The following RHBDL3 variants were observed in gnomAD, a reference collection of about 807,000 sequenced individuals.
RHBDL3 encodes rhomboid-related protein 3.
RHBDL3 carries 28 observed loss-of-function variants against 48.2 expected under a neutral mutation model. The observed-to-expected ratio is 0.58, with a 90% CI of 0.43 to 0.80. The LOEUF (loss-of-function observed/expected upper bound fraction) is 0.80, where lower values mean the gene tolerates loss of function less well. Ranked by LOEUF, RHBDL3 falls within the 30% of genes least tolerant of loss-of-function variation. RHBDL3 has a pLI of 0.00. For synonymous variants in RHBDL3, 208 were observed against 232.3 expected (o/e 0.90, Z 0.95); for missense variants, 464 against 542.7 (o/e 0.85, Z 1.44).
chr17:32,279,702 G>A (rs1393644458), intron 2 of RHBDL3, among the ~76,000 whole-genome samples: 2 of 152,162 alleles, frequency 1.3e-5, no homozygotes, highest in African/African-American at 2.4e-5. Context: ...CGTATGGCAC[G>A]CTTATGTGCA....
At chr17:32,296,576 C>T (rs1418863930) in intron 5 of RHBDL3, among the ~76,000 whole-genome samples, 1 of 151,476 alleles carries the variant, frequency 6.6e-6, no homozygotes, top group South Asian at 2.1e-4. Flanking sequence ...CGTTGTGATC[C>T]GCCCACCTCA....
At chr17:32,287,086 T>C (rs1396117211) in intron 3 of RHBDL3, among the ~76,000 whole-genome samples, 2 of 152,222 alleles carry the variant, frequency 1.3e-5, no homozygotes, top group Non-Finnish European at 2.9e-5. Flanking sequence ...CAAATAACTA[T>C]GATGGCACCC....
chr17:32,316,248 A>AGTGCCAGTTT lies in RHBDL3; in HGVS notation c.908_909insTGTGCCAGTT (p.Lys304ValfsTer163), dbSNP rs1295783620. 6.2e-7 allele frequency: 1 copy of AGTGCCAGTTT among 1,613,686 alleles called. No homozygotes were observed. Among genetic ancestry groups the AGTGCCAGTTT allele is most frequent in the South Asian group, 1.1e-5 (1 of 91,058 alleles). On this transcript the variant is annotated frameshift_variant, in exon 8 of 9. Transcript: ENST00000269051. LOFTEE classifies it high-confidence loss of function. ...TTTCCCTAGAACTGGTCAGGCATGA[A>AGTGCCAGTTT]GTGCCAGTTCAAGCTGCTGCGGATG... is the stretch of plus-strand genomic sequence containing the variant.
intron 7 of RHBDL3, among the ~76,000 whole-genome samples, chr17:32,307,990 C>G (rs1028920528): frequency 6.6e-6 from 1 of 152,138 alleles, no homozygotes; most frequent in Non-Finnish European, 1.5e-5. Flanking sequence ...GCATTCATAA[C>G]GATGCCCTGT....
intron 6 of RHBDL3, among the ~76,000 whole-genome samples, chr17:32,303,724 G>A (rs150337461): frequency 5.9e-4 from 89 of 152,108 alleles, no homozygotes; most frequent in Non-Finnish European, 9.0e-4. Flanking sequence ...TTTCTTGAAG[G>A]AGCTCAGTGA....
rs7210871 is a variant in RHBDL3, at chr17:32,300,562, A to G, written c.781+2358A>G. ...GAGCAAGAACCTGTCTCAAAAAAGA[A>G]AAAAAGAAAAAAACCAAAGGAGACC... On this transcript the variant is annotated intron_variant, in intron 6 of 8. Transcript: ENST00000269051. Among the ~76,000 whole-genome samples, 882 of 152,226 alleles carry G rather than the reference A, an allele frequency of 5.8e-3. 10 individuals are homozygous for G. Among genetic ancestry groups the G allele is most frequent in the African/African-American group, 0.02 (844 of 41,504 alleles).
chr17:32,313,659 T>C (rs1251190134), intron 7 of RHBDL3, among the ~76,000 whole-genome samples: 1 of 151,642 alleles, frequency 6.6e-6, no homozygotes, highest in Non-Finnish European at 1.5e-5. Context: ...AGTGGAATCA[T>C]ACAGTATTTA....
chr17:32,273,042 C>T (rs913195144), intron 2 of RHBDL3, among the ~76,000 whole-genome samples: 10 of 152,138 alleles, frequency 6.6e-5, no homozygotes, highest in African/African-American at 2.4e-4. Context: ...CTCTTGTTGC[C>T]CAGGTTAGAG....
chr17:32,309,851 G>C (rs186672209), intron 7 of RHBDL3, among the ~76,000 whole-genome samples: 147,248 of 147,248 alleles, frequency 1, 73,624 homozygotes, highest in Non-Finnish European at 1. Flanking sequence ...GTGATCTCGG[G>C]TCACCACAAC....
chr17:32,306,108 G>A (rs1259528357), intron 7 of RHBDL3, among the ~76,000 whole-genome samples: 5 of 152,104 alleles, frequency 3.3e-5, no homozygotes, highest in African/African-American at 9.7e-5. Context: ...GCTTAAACCC[G>A]TATCTCCTGA....
intron 2 of RHBDL3, among the ~76,000 whole-genome samples, chr17:32,276,655 C>G (rs532995882): frequency 4.6e-5 from 7 of 151,894 alleles, no homozygotes; most frequent in Non-Finnish European, 8.8e-5. Context: ...GTACTCCAGC[C>G]CTAGCACCGG....
chr17:32,273,126 G>A (rs1252662918), intron 2 of RHBDL3, among the ~76,000 whole-genome samples: 1 of 152,124 alleles, frequency 6.6e-6, no homozygotes, highest in Non-Finnish European at 1.5e-5. Flanking sequence ...TCAACCTCCC[G>A]AGTAGCTGGG....
At chr17:32,272,822 A>G (rs1039979581) in intron 2 of RHBDL3, among the ~76,000 whole-genome samples, 16 of 152,234 alleles carry the variant, frequency 1.1e-4, no homozygotes, top group Non-Finnish European at 1.8e-4. Flanking sequence ...AGGTCGAACT[A>G]CAGCTCTGCA....
At chr17:32,268,054 T>C in intron 2 of RHBDL3, 129 bp downstream of exon 2, 1 of 781,402 alleles carries the variant, frequency 1.3e-6, no homozygotes, top group Non-Finnish European at 2.3e-6. Context: ...TGTGGCTTTG[T>C]GCATCTCTAG....
At chr17:32,273,293 C>T (rs1413152250) in intron 2 of RHBDL3, among the ~76,000 whole-genome samples, 6 of 152,210 alleles carry the variant, frequency 3.9e-5, no homozygotes, top group Non-Finnish European at 7.4e-5. Context: ...CGAGCCACCG[C>T]GCCCAGCCCA....
intron 2 of RHBDL3, among the ~76,000 whole-genome samples, chr17:32,274,644 G>A (rs375622663): frequency 1.2e-3 from 184 of 152,236 alleles, no homozygotes; most frequent in African/African-American, 4.4e-3. Flanking sequence ...AGGGGAGGAT[G>A]GTTTGCTTGA....
chr17:32,290,219 C>T (rs867372012), intron 4 of RHBDL3, among the ~76,000 whole-genome samples: 2 of 152,280 alleles, frequency 1.3e-5, no homozygotes, highest in Non-Finnish European at 2.9e-5. Context: ...TAACCCAACA[C>T]GAATTATAGC....
At chr17:32,309,858 C>A (rs1316064419) in intron 7 of RHBDL3, among the ~76,000 whole-genome samples, 12 of 146,536 alleles carry the variant, frequency 8.2e-5, no homozygotes, top group Admixed American at 7.0e-4. Context: ...CGGGTCACCA[C>A]AACCTCCACC....
At chr17:32,271,621 T>A (rs1333239044) in intron 2 of RHBDL3, among the ~76,000 whole-genome samples, 2 of 152,140 alleles carry the variant, frequency 1.3e-5, no homozygotes, top group African/African-American at 2.4e-5. Flanking sequence ...CATTTCCAGG[T>A]TTACCCTTAA....
Sources: gnomAD v4.1 joint callset for allele counts (sites outside exome capture counted in the v4.1 genomes callset) on GRCh38, gnomAD v4.1.1 for gene constraint, MANE v1.5 for transcripts, NCBI Gene and HGNC (gene_info 2026-07-23, HGNC 2026-07-21) for gene names.